The following NALF1 variants were observed in gnomAD, a reference collection of about 807,000 sequenced individuals.
The protein encoded by NALF1 is family with sequence similarity 155 member A.
In NALF1, 3 loss-of-function variants were observed where a neutral mutation model predicts 48.4. The observed-to-expected ratio is 0.06, with a 90% CI of 0.03 to 0.16. NALF1 has a LOEUF of 0.16. Ranked by LOEUF, NALF1 falls within the 10% of genes least tolerant of loss-of-function variation. NALF1 has a pLI of 1.00. For synonymous variants in NALF1, 262 were observed against 245.7 expected (o/e 1.07, Z -0.62); for missense variants, 526 against 571.5 (o/e 0.92, Z 0.81).
At chr13:107,810,968 A>C (rs940726060) in intron 1 of NALF1, among the ~76,000 whole-genome samples, 21 of 152,140 alleles carry the variant, frequency 1.4e-4, no homozygotes, top group African/African-American at 4.6e-4. Flanking sequence ...CATTATTCAT[A>C]AATTATGTAT....
chr13:107,215,518 T>A lies in NALF1; in HGVS notation c.916-4763A>T, dbSNP rs536511926. Among the ~76,000 whole-genome samples the A allele has an allele frequency of 3.1e-3, 464 of 147,578 alleles. 3 individuals carry two copies. The highest frequency in any genetic ancestry group is 5.3e-3 in the Non-Finnish European group (353 of 66,206). On this transcript the variant is annotated intron_variant, in intron 1 of 2. Coordinates refer to ENST00000375915, the MANE Select transcript of NALF1 (RefSeq NM_001080396.3). ...ACTCTTAATGAAGATTTTTTTTTTTTAAAGCTTTGGTTATAACGGCACAGC... is the reference window on the plus strand; with the variant it reads ...ACTCTTAATGAAGATTTTTTTTTTTAAAAGCTTTGGTTATAACGGCACAGC...
At chr13:107,633,729 A>G (rs1358156606) in intron 1 of NALF1, among the ~76,000 whole-genome samples, 223 of 147,478 alleles carry the variant, frequency 1.5e-3, no homozygotes, top group East Asian at 2.4e-3. Flanking sequence ...GTGTATATAT[A>G]TATATATATA....
intron 1 of NALF1, among the ~76,000 whole-genome samples, chr13:107,489,123 T>C (rs1885375553): frequency 6.6e-6 from 1 of 151,754 alleles, no homozygotes; most frequent in Non-Finnish European, 1.5e-5. Context: ...TAATCTGAGA[T>C]GAGATGACAC....
At chr13:107,214,980 A>T (rs563113643) in intron 1 of NALF1, among the ~76,000 whole-genome samples, 1 of 152,194 alleles carries the variant, frequency 6.6e-6, no homozygotes, top group Non-Finnish European at 1.5e-5. Flanking sequence ...AGTTTTTTTC[A>T]GTGGGAACTC....
chr13:107,331,242 C>A (rs7331088), intron 1 of NALF1, among the ~76,000 whole-genome samples: 3 of 151,892 alleles, frequency 2.0e-5, no homozygotes, highest in African/African-American at 7.3e-5. Context: ...TTTTCTGGTA[C>A]GGTATCATTC....
intron 1 of NALF1, among the ~76,000 whole-genome samples, chr13:107,507,248 AGGTAACTACAG>A (rs1470814997): frequency 3.9e-5 from 6 of 152,078 alleles, no homozygotes; most frequent in African/African-American, 1.4e-4. Context: ...GGCAGGTTGT[AGGTAACTACAG>A]GTTTGTAGGT....
At chr13:107,832,472 T>C (rs1288353387) in intron 1 of NALF1, among the ~76,000 whole-genome samples, 1 of 152,228 alleles carries the variant, frequency 6.6e-6, no homozygotes, top group East Asian at 1.9e-4. Context: ...ATAATGAAGA[T>C]TTGCTAACCC....
intron 1 of NALF1, among the ~76,000 whole-genome samples, chr13:107,227,635 A>G (rs565208453): frequency 1.3e-5 from 2 of 152,384 alleles, no homozygotes; most frequent in African/African-American, 4.8e-5. Context: ...TGGTTAAAGC[A>G]GTCAACATCC....
intron 1 of NALF1, among the ~76,000 whole-genome samples, chr13:107,588,323 T>C (rs1238962568): frequency 6.6e-6 from 1 of 152,126 alleles, no homozygotes; most frequent in East Asian, 1.9e-4. Flanking sequence ...GATGTAGAAT[T>C]GAACATGGGT....
intron 1 of NALF1, among the ~76,000 whole-genome samples, chr13:107,596,877 T>A (rs573193491): frequency 6.6e-6 from 1 of 152,204 alleles, no homozygotes; most frequent in Non-Finnish European, 1.5e-5. Context: ...TTTTTTCCCA[T>A]GTTGGCAGTA....
intron 1 of NALF1, among the ~76,000 whole-genome samples, chr13:107,562,966 T>TA (rs1480513323): frequency 1.3e-5 from 2 of 152,214 alleles, no homozygotes; most frequent in Admixed American, 1.3e-4. Context: ...TCTTAAAACT[T>TA]ACATGAGTAG....
chr13:107,448,749 T>C (rs1884691442), intron 1 of NALF1, among the ~76,000 whole-genome samples: 1 of 152,186 alleles, frequency 6.6e-6, no homozygotes, highest in Non-Finnish European at 1.5e-5. Context: ...GAATTGCCTT[T>C]GAAAGTGTCT....
In NALF1 at chr13:107,250,498, G is replaced by T. The variant is rs1225409766; in HGVS notation, c.916-39743C>A. 2.6e-5 allele frequency among the ~76,000 whole-genome samples: 4 copies of T among 152,024 alleles called. No homozygotes were observed. In the East Asian group the frequency reaches 7.7e-4, roughly 29 times the overall value. On this transcript the variant is annotated intron_variant, in intron 1 of 2. Coordinates refer to ENST00000375915, the MANE Select transcript of NALF1 (RefSeq NM_001080396.3). ...CTTATTTCTCACACAGGACTTTAAT[G>T]GTGGTTTGAATTACAGTAACACTGG...
intron 1 of NALF1, among the ~76,000 whole-genome samples, chr13:107,220,257 G>T (rs978975570): frequency 6.6e-6 from 1 of 152,196 alleles, no homozygotes; most frequent in Non-Finnish European, 1.5e-5. Context: ...TTATCTTAAT[G>T]TGTCCTGCTA....
intron 1 of NALF1, among the ~76,000 whole-genome samples, chr13:107,851,852 A>G (rs1880328276): frequency 8.4e-6 from 1 of 119,582 alleles, no homozygotes; most frequent in Admixed American, 1.1e-4. Flanking sequence ...TCTGTCATGC[A>G]GGCTTGAGTG....
At position 107,867,139 on chromosome 13, in the gene NALF1, CCTCCTCTTCTT is replaced by C. The variant is rs1880762676; in HGVS notation, c.-554_-544del. Among the ~76,000 whole-genome samples, 1 of 151,770 alleles carries C rather than the reference CCTCCTCTTCTT, an allele frequency of 6.6e-6. No homozygotes were observed. The highest frequency in any genetic ancestry group is 1.5e-5 in the Non-Finnish European group (1 of 67,880). Reference sequence around the variant, plus strand: ...GAGCGCCTCCCCTCCTCCTCCTCCTCCTCCTCTTCTTCTCCTCCTCTTCCTCCTCCTTCCTT... The same window carrying C: ...GAGCGCCTCCCCTCCTCCTCCTCCTCCTCCTCCTCTTCCTCCTCCTTCCTT... On this transcript the variant is annotated 5_prime_UTR_variant, in exon 1 of 3. Transcript: ENST00000375915. The surrounding 1 kb of genome is among the most constrained non-coding windows in gnomAD (Gnocchi z 4.4).
chr13:107,385,552 C>CAAAAAAAAAAAAAAAAAAAA (rs201307018), intron 1 of NALF1, among the ~76,000 whole-genome samples: 14 of 118,292 alleles, frequency 1.2e-4, no homozygotes, highest in East Asian at 2.6e-4. Context: ...GATTCCATCT[C>CAAAAAAAAAAAAAAAAAAAA]AAAAAAAAAA....
chr13:107,684,621 A>T (rs886668233), intron 1 of NALF1, among the ~76,000 whole-genome samples: 9 of 152,198 alleles, frequency 5.9e-5, no homozygotes, highest in African/African-American at 1.9e-4. Flanking sequence ...CTTTTCTAAA[A>T]TAGAATACTG....
intron 1 of NALF1, among the ~76,000 whole-genome samples, chr13:107,376,824 C>T (rs1198324567): frequency 1.3e-5 from 2 of 152,158 alleles, no homozygotes; most frequent in Non-Finnish European, 2.9e-5. Context: ...TAGACAAAAA[C>T]GGAGAGAATT....
Sources: allele counts gnomAD v4.1 joint callset (sites outside exome capture counted in the v4.1 genomes callset), GRCh38; gene constraint gnomAD v4.1.1; non-coding constraint Gnocchi (gnomAD v3.1); transcripts MANE v1.5; gene names NCBI Gene and HGNC (gene_info 2026-07-23, HGNC 2026-07-21).